The following SLC46A3 variants were observed in gnomAD, a reference collection of about 807,000 sequenced individuals.
SLC46A3 encodes lysosomal proton-coupled steroid conjugate and bile acid symporter SLC46A3.
In SLC46A3, 26 loss-of-function variants were observed where a neutral mutation model predicts 38.5. That is an observed-to-expected ratio of 0.68 (90% CI 0.49 to 0.94). SLC46A3 has a LOEUF of 0.94. Among genes scored for constraint, SLC46A3 ranks in the 40% least tolerant of loss-of-function variants. The pLI is 0.00. For missense variants in SLC46A3, 510 were observed against 544.3 expected, an observed-to-expected ratio of 0.94 and a Z score of 0.63; for synonymous variants, 185 against 192.5, an observed-to-expected ratio of 0.96 and a Z score of 0.32.
At chr13:28,708,504 T>C (rs568841529) in intron 4 of SLC46A3, among the ~76,000 whole-genome samples, 8 of 152,318 alleles carry the variant, frequency 5.3e-5, no homozygotes, top group African/African-American at 1.9e-4. Flanking sequence ...ATTTTAAGAG[T>C]TCTTAAATAT....
intron 2 of SLC46A3, among the ~76,000 whole-genome samples, chr13:28,714,755 A>G (rs1885481143): frequency 6.6e-6 from 1 of 152,222 alleles, no homozygotes; most frequent in South Asian, 2.1e-4. Context: ...TCTCAAATAA[A>G]TAAAAATAAA....
chr13:28,709,295 C>T (rs1242042492), intron 4 of SLC46A3, among the ~76,000 whole-genome samples: 1 of 149,058 alleles, frequency 6.7e-6, no homozygotes, highest in Non-Finnish European at 1.5e-5. Flanking sequence ...GCACTCCAGC[C>T]TGGGCAGCAA....
intron 5 of SLC46A3, among the ~76,000 whole-genome samples, chr13:28,702,780 C>G (rs1026817984): frequency 9.2e-5 from 14 of 152,164 alleles, no homozygotes; most frequent in African/African-American, 3.4e-4. Flanking sequence ...ATGAGCCAGC[C>G]CTTTAGGGAG....
rs1023382133 is a variant in SLC46A3 at position 28,700,985 on chromosome 13, G to A, written c.*512C>T. 49 of 1,532,480 alleles carry A rather than the reference G, an allele frequency of 3.2e-5. No individual in the cohort carries two copies. The highest frequency in any genetic ancestry group is 4.0e-5 in the Non-Finnish European group (45 of 1,134,914). 94.9% of individuals were successfully genotyped at this position (1,532,480 alleles called of 1,614,324 possible). A position where few individuals can be genotyped will look rare whatever the true frequency, so the allele number is the denominator to read the frequency against. On this transcript the variant is annotated 3_prime_UTR_variant, in exon 6 of 6. Coordinates refer to ENST00000266943, the MANE Select transcript of SLC46A3 (RefSeq NM_181785.4). ...TAAAATAAAGCATTACCAAGTATAG[G>A]TAAAATCATACATATTTGAAACTTA...
At chr13:28,701,611 T>C in intron 5 of SLC46A3, 30 bp from the exon 6 acceptor site, 4 of 1,598,756 alleles carry the variant, frequency 2.5e-6, no homozygotes, top group Non-Finnish European at 3.4e-6. Context: ...ATTTTAAAGT[T>C]GAGATTAAGA....
chr13:28,717,851 A>G lies in SLC46A3; in HGVS notation c.148T>C (p.Cys50Arg). 6.2e-7 allele frequency: 1 copy of G among 1,612,944 alleles called. No individual in the cohort carries two copies. The highest frequency in any genetic ancestry group is 8.5e-7 in the Non-Finnish European group (1 of 1,179,792). The change falls in exon 2 of 6, where the codon TGT (cysteine) becomes CGT (arginine). Residue 50 changes from cysteine to arginine, a missense_variant. Cys to Arg is a radical substitution (Grantham distance 180). Transcript: ENST00000266943. ...ATTGGGCTGCTTTTGTTTTTTTCAC[A>G]CTCAGAAATATTGCTATCAGATGAA... ...TFSSDSNISECEKNKSSPIFA... is the reference protein window; with the variant it reads ...TFSSDSNISEREKNKSSPIFA...
At chr13:28,703,072 G>A (rs1379960938) in intron 5 of SLC46A3, among the ~76,000 whole-genome samples, 1 of 151,974 alleles carries the variant, frequency 6.6e-6, no homozygotes, top group Admixed American at 6.6e-5. Flanking sequence ...TAAATAGAAA[G>A]CAAAAAGAAG....
In SLC46A3 at chr13:28,710,630, C is replaced by T. The variant is rs1446519621; in HGVS notation, c.1144+130G>A. 5 of 747,390 alleles carry T rather than the reference C, an allele frequency of 6.7e-6. No homozygotes were observed. In the African/African-American group the frequency reaches 8.7e-5, roughly 13 times the overall value. 46.3% of individuals were successfully genotyped at this position (747,390 alleles called of 1,614,324 possible). On this transcript the variant is annotated intron_variant, in intron 4 of 5. Coordinates refer to ENST00000266943, the MANE Select transcript of SLC46A3 (RefSeq NM_181785.4). ...TAAGCCTTTCCCTCACAGAGCTTAC[C>T]ACTTTATTCAAAAGGAGATCCGTGC... is the stretch of plus-strand genomic sequence containing the variant.
chr13:28,712,613 T>G, intron 3 of SLC46A3, 67 bp downstream of exon 3: 3 of 1,442,718 alleles, frequency 2.1e-6, no homozygotes, highest in Non-Finnish European at 2.7e-6. Flanking sequence ...TCTCCCCCAG[T>G]AGACTAAATT....
chr13:28,707,628 C>T (rs555093004), intron 4 of SLC46A3, among the ~76,000 whole-genome samples: 59 of 152,186 alleles, frequency 3.9e-4, no homozygotes, highest in African/African-American at 1.4e-3. Flanking sequence ...CTCTTGACAG[C>T]TCTATTTTAG....
rs1375363153 is a variant in SLC46A3, at chr13:28,718,024, T to C, written c.-24-2A>G. 10 of 1,590,730 alleles carry C rather than the reference T, an allele frequency of 6.3e-6. No homozygotes were observed. The highest frequency in any genetic ancestry group is 7.7e-6 in the Non-Finnish European group (9 of 1,169,544). ...ATTGCCTGGGTAGGTAGCTGTATTC[T>C]ATAAAAAGTGAAAACGGAGAAAGAT... On this transcript the variant is annotated splice_acceptor_variant, in intron 1 of 5. Coordinates refer to ENST00000266943, the MANE Select transcript of SLC46A3 (RefSeq NM_181785.4). LOFTEE classifies it low-confidence loss of function (5UTR_SPLICE).
In SLC46A3 at chr13:28,713,006, G is replaced by A. The variant is rs781421924; in HGVS notation, c.734C>T (p.Thr245Ile). ...AGAAGCATTCTTAAAAAGCATGTAAGTTCGGTAAAATAGGTTTTTGAAGCC... is the reference window on the plus strand; with the variant it reads ...AGAAGCATTCTTAAAAAGCATGTAAATTCGGTAAAATAGGTTTTTGAAGCC... ...SEGFKNLFYRTYMLFKNASGK... is the reference protein window; with the variant it reads ...SEGFKNLFYRIYMLFKNASGK... The change falls in exon 3 of 6, where the codon ACT (threonine) becomes ATT (isoleucine). Residue 245 changes from threonine (T) to isoleucine (I), a missense_variant. Physicochemically the swap from Thr to Ile is moderately conservative, Grantham distance 89. Transcript: ENST00000266943. 7 of 1,613,242 alleles carry A rather than the reference G, an allele frequency of 4.3e-6. No individual in the cohort carries two copies. Among genetic ancestry groups the A allele is most frequent in the Admixed American group, 3.3e-5 (2 of 59,924 alleles).
At position 28,708,003 on chromosome 13, in the gene SLC46A3, G is replaced by A. The variant is rs537169863; in HGVS notation, c.1144+2757C>T. On this transcript the variant is annotated intron_variant, in intron 4 of 5. Transcript: ENST00000266943. ...TCATAGTTCATCCATGTTATGGCAT[G>A]TAACAGAACGATATTTCTTTTTATT... Among the ~76,000 whole-genome samples, 150 of 152,344 alleles carry A rather than the reference G, an allele frequency of 9.8e-4. 4 individuals are homozygous for A. The South Asian group carries it at 0.03, about 30-fold the overall frequency.
intron 4 of SLC46A3, among the ~76,000 whole-genome samples, chr13:28,706,393 A>G (rs963580007): frequency 1.9e-4 from 29 of 152,346 alleles, no homozygotes; most frequent in African/African-American, 6.3e-4. Context: ...GGATGCGAAT[A>G]CATTTAGTTA....
chr13:28,701,704 A>G, intron 5 of SLC46A3, 123 bp from the exon 6 acceptor site: 1 of 841,508 alleles, frequency 1.2e-6, no homozygotes, highest in South Asian at 1.8e-5. Flanking sequence ...TATTAGGAGG[A>G]GTATCCTGGC....
chr13:28,704,811 A>G (rs1885130656), intron 4 of SLC46A3, among the ~76,000 whole-genome samples: 1 of 152,190 alleles, frequency 6.6e-6, no homozygotes, highest in Non-Finnish European at 1.5e-5. Flanking sequence ...TATTGCTTGC[A>G]ACTGCCTCTG....
At chr13:28,710,541 G>A (rs973541501) in intron 4 of SLC46A3, among the ~76,000 whole-genome samples, 1 of 152,192 alleles carries the variant, frequency 6.6e-6, no homozygotes, top group Admixed American at 6.5e-5. Flanking sequence ...GGCGGGGCAC[G>A]GCCCAGAGCC....
Position 28,701,403 on chromosome 13 carries a change from T to G in SLC46A3, c.*94A>C, listed in dbSNP as rs1885013998. ...AAAGATAGGTAAAATTGGTTCTCAG[T>G]GAAGCACTGATTGTGGAATTCATTT... is the stretch of plus-strand genomic sequence containing the variant. On this transcript the variant is annotated 3_prime_UTR_variant, in exon 6 of 6. Transcript: ENST00000266943. The G allele has an allele frequency of 2.0e-6, 3 of 1,535,286 alleles. No individual in the cohort carries two copies. The highest frequency in any genetic ancestry group is 2.3e-5 in the East Asian group (1 of 43,582).
chr13:28,712,586 G>A, intron 3 of SLC46A3, 94 bp downstream of exon 3: 2 of 1,285,166 alleles, frequency 1.6e-6, no homozygotes, highest in Non-Finnish European at 2.1e-6. Context: ...TTAAATAGAG[G>A]GCTTTAGATT....
Sources: gnomAD v4.1 joint callset for allele counts (sites outside exome capture counted in the v4.1 genomes callset) on GRCh38, gnomAD v4.1.1 for gene constraint, MANE v1.5 for transcripts, NCBI Gene and HGNC (gene_info 2026-07-23, HGNC 2026-07-21) for gene names.